Variants in RAD51B observed in about 807,000 individuals in gnomAD.
RAD51B encodes the protein DNA repair protein RAD51 homolog 2.
Under a neutral mutation model 42.2 loss-of-function variants are expected in RAD51B, and 38 were observed. That is an observed-to-expected ratio of 0.90 (90% confidence interval 0.70 to 1.18). The LOEUF is 1.18. Among genes scored for constraint, RAD51B ranks in the 50% most tolerant of loss-of-function variants. The pLI, the probability that RAD51B is intolerant of heterozygous loss-of-function variation, is 0.00. For synonymous variants in RAD51B, 154 were observed against 145.2 expected (o/e 1.06, Z -0.43); for missense variants, 373 against 400.7 (o/e 0.93, Z 0.59).
At chr14:68,249,505 G>A (rs1308636771) in intron 7 of RAD51B, among the ~76,000 whole-genome samples, 1 of 152,110 alleles carries the variant, frequency 6.6e-6, no homozygotes, top group Non-Finnish European at 1.5e-5. Flanking sequence ...TAAATAGTGA[G>A]CTTCTGATGT....
rs76478667 is a variant in RAD51B at position 67,891,713 on chromosome 14, C to T, written c.756+4509C>T. 8.9e-3 allele frequency among the ~76,000 whole-genome samples: 1,357 copies of T among 151,692 alleles called. 22 individuals carry two copies. The highest frequency in any genetic ancestry group is 0.031 in the African/African-American group (1,278 of 41,346). The stretch of plus-strand genomic sequence containing the variant: ...TTATGCCAAGTGGGTTTAATTTATG[C>T]AGGATTATACCTTGTCTTAGATACT... On this transcript the variant is annotated intron_variant, in intron 7 of 10. Transcript: ENST00000471583.
Position 68,448,238 on chromosome 14 carries a change from A to G in RAD51B, c.958-19934A>G, listed in dbSNP as rs575683278. 6.8e-4 allele frequency among the ~76,000 whole-genome samples: 103 copies of G among 152,348 alleles called. 1 individual carries two copies. Among genetic ancestry groups the G allele is most frequent in the Non-Finnish European group, 2.8e-4 (19 of 68,036 alleles). Reference sequence around the variant, plus strand: ...AAGGGTGTTATTTGTCTGACAGAGAAAACTCACTTTAAGATTACATGAATA... The same window carrying G: ...AAGGGTGTTATTTGTCTGACAGAGAGAACTCACTTTAAGATTACATGAATA... On this transcript the variant is annotated intron_variant, in intron 9 of 10. Coordinates refer to ENST00000471583, the MANE Select transcript of RAD51B (RefSeq NM_133510.4).
At chr14:68,415,255 A>G (rs2084527866) in intron 9 of RAD51B, among the ~76,000 whole-genome samples, 2 of 152,018 alleles carry the variant, frequency 1.3e-5, no homozygotes, top group South Asian at 4.1e-4. Context: ...TAAATAATAG[A>G]TAAGATTCAG....
intron 9 of RAD51B, among the ~76,000 whole-genome samples, chr14:68,444,393 A>G (rs1480560797): frequency 6.6e-6 from 1 of 151,932 alleles, no homozygotes; most frequent in Non-Finnish European, 1.5e-5. Context: ...ATTAGGGGGC[A>G]TTGTTTGAGG....
chr14:67,926,184 C>T (rs974854105), intron 7 of RAD51B, among the ~76,000 whole-genome samples: 1 of 152,176 alleles, frequency 6.6e-6, no homozygotes, highest in Non-Finnish European at 1.5e-5. Flanking sequence ...TATCGCATTG[C>T]CAGGCTGCAC....
chr14:68,659,780 G>A (rs1388182526), intron 11 of RAD51B, among the ~76,000 whole-genome samples: 2 of 152,242 alleles, frequency 1.3e-5, no homozygotes, highest in Non-Finnish European at 1.5e-5. Flanking sequence ...TGCCCTGCCA[G>A]GGAACACACC....
intron 7 of RAD51B, among the ~76,000 whole-genome samples, chr14:68,204,362 A>T (rs1419512897): frequency 6.6e-6 from 1 of 152,256 alleles, no homozygotes; most frequent in Non-Finnish European, 1.5e-5. Context: ...ACACATATTT[A>T]TCAATTAAAT....
At chr14:68,622,803 A>G (rs1292186189) in intron 10 of RAD51B, among the ~76,000 whole-genome samples, 1 of 150,710 alleles carries the variant, frequency 6.6e-6, no homozygotes, top group Non-Finnish European at 1.5e-5. Context: ...TGTGCTGTTC[A>G]TTCAATTTTA....
chr14:67,993,082 T>A (rs970069433), intron 7 of RAD51B, among the ~76,000 whole-genome samples: 14 of 152,170 alleles, frequency 9.2e-5, no homozygotes, highest in African/African-American at 2.4e-5. Context: ...TTTTTTTAAT[T>A]TTTAATTTTT....
chr14:68,271,836 A>G (rs1280059056), intron 7 of RAD51B, among the ~76,000 whole-genome samples: 1 of 152,224 alleles, frequency 6.6e-6, no homozygotes, highest in African/African-American at 2.4e-5. Context: ...CTCACACATC[A>G]TAGTAATTGC....
intron 7 of RAD51B, among the ~76,000 whole-genome samples, chr14:68,258,789 T>C (rs1332169565): frequency 6.6e-6 from 1 of 152,150 alleles, no homozygotes; most frequent in African/African-American, 2.4e-5. Context: ...CTCTCACACA[T>C]TGGTATTAAC....
intron 7 of RAD51B, among the ~76,000 whole-genome samples, chr14:67,967,881 G>A (rs944529972): frequency 6.6e-6 from 1 of 152,198 alleles, no homozygotes; most frequent in African/African-American, 2.4e-5. Flanking sequence ...GACTCTGTGT[G>A]GGGGCTCCAA....
rs148973583 is a variant in RAD51B at position 67,926,712 on chromosome 14, C to T, written c.756+39508C>T. Among the ~76,000 whole-genome samples, 1,346 of 151,874 alleles carry T rather than the reference C, an allele frequency of 8.9e-3. 21 individuals are homozygous for T. Among genetic ancestry groups the T allele is most frequent in the African/African-American group, 0.03 (1,261 of 41,420 alleles). The stretch of plus-strand genomic sequence containing the variant: ...CCAAGTAGCTGGGACAACAGGCGTG[C>T]GCCACCACACCCAGCTAATTTTTGT... On this transcript the variant is annotated intron_variant, in intron 7 of 10. Coordinates refer to ENST00000471583, the MANE Select transcript of RAD51B (RefSeq NM_133510.4).
At chr14:68,106,543 T>G (rs977890613) in intron 7 of RAD51B, among the ~76,000 whole-genome samples, 2 of 151,952 alleles carry the variant, frequency 1.3e-5, no homozygotes, top group African/African-American at 4.8e-5. Flanking sequence ...CTTCAGTGTT[T>G]GTGTCACATT....
intron 8 of RAD51B, among the ~76,000 whole-genome samples, chr14:68,406,815 TATA>T (rs1388337904): frequency 1.3e-5 from 2 of 152,258 alleles, no homozygotes; most frequent in Admixed American, 6.5e-5. Flanking sequence ...ATCCTTATTC[TATA>T]ATCTTATTTC....
downstream of RAD51B, among the ~76,000 whole-genome samples, chr14:68,478,261 G>A (rs958752301): frequency 1.3e-5 from 2 of 152,152 alleles, no homozygotes; most frequent in African/African-American, 4.8e-5. Context: ...AGATCCAGCC[G>A]AGAAGTGGAG....
At chr14:68,269,581 T>C (rs1195443233) in intron 7 of RAD51B, among the ~76,000 whole-genome samples, 2 of 152,238 alleles carry the variant, frequency 1.3e-5, no homozygotes, top group African/African-American at 4.8e-5. Context: ...CTACACCCGA[T>C]ATTTTATTTC....
At chr14:68,031,534 G>T (rs1429616284) in intron 7 of RAD51B, among the ~76,000 whole-genome samples, 1 of 152,170 alleles carries the variant, frequency 6.6e-6, no homozygotes, top group Non-Finnish European at 1.5e-5. Context: ...CATGGTGCCA[G>T]TAGAGTTGCT....
chr14:68,248,745 C>T (rs1418729718), intron 7 of RAD51B, among the ~76,000 whole-genome samples: 3 of 152,226 alleles, frequency 2.0e-5, no homozygotes, highest in African/African-American at 7.2e-5. Flanking sequence ...GATTCTAAAA[C>T]GTATGCTTCC....
Sources: allele counts gnomAD v4.1 joint callset (sites outside exome capture counted in the v4.1 genomes callset), GRCh38; gene constraint gnomAD v4.1.1; transcripts MANE v1.5; gene names NCBI Gene and HGNC (gene_info 2026-07-23, HGNC 2026-07-21).